CFAP91: variants seen among roughly 807,000 people sequenced by gnomAD.
The protein encoded by CFAP91 is cilia- and flagella-associated protein 91.
Under a neutral mutation model 95.9 loss-of-function variants are expected in CFAP91, and 85 were observed. The ratio of observed to expected loss-of-function variants is 0.89; its 90% CI spans 0.74 to 1.06. The LOEUF is 1.06. CFAP91 is among the 50% of genes least tolerant of loss of function. CFAP91 has a pLI of 0.00. For missense variants in CFAP91, 962 were observed against 943.4 expected (o/e 1.02, Z -0.26); for synonymous variants, 335 against 327.5 (o/e 1.02, Z -0.25).
chr3:119,714,853 T>C (rs2107862645), intron 5 of CFAP91, among the ~76,000 whole-genome samples: 1 of 152,372 alleles, frequency 6.6e-6, no homozygotes, highest in East Asian at 1.9e-4. Context: ...TTATGGTTTC[T>C]GGCTTTTAAG....
chr3:119,724,544 A>G (rs2053745141), intron 6 of CFAP91, among the ~76,000 whole-genome samples: 1 of 152,160 alleles, frequency 6.6e-6, no homozygotes, highest in South Asian at 2.1e-4. Flanking sequence ...ATATACATAT[A>G]TACACATACA....
At chr3:119,707,017 A>G in intron 2 of CFAP91, 132 bp downstream of exon 2, 1 of 706,996 alleles carries the variant, frequency 1.4e-6, no homozygotes, top group Non-Finnish European at 2.5e-6. Flanking sequence ...CCTTGCCAAG[A>G]TTACTGGAGG....
chr3:119,739,369 A>G, intron 12 of CFAP91, 43 bp downstream of exon 12: 1 of 1,584,810 alleles, frequency 6.3e-7, no homozygotes, highest in South Asian at 1.1e-5. Flanking sequence ...TCTTTTGAGA[A>G]TAAATTTTTT....
chr3:119,756,631 A>G (rs2054435740), intron 17 of CFAP91, among the ~76,000 whole-genome samples: 1 of 152,176 alleles, frequency 6.6e-6, no homozygotes, highest in African/African-American at 2.4e-5. Flanking sequence ...AATGGATTAA[A>G]TTTTTCTAAG....
chr3:119,753,600 CA>C (rs1164908207), intron 17 of CFAP91, among the ~76,000 whole-genome samples: 1 of 152,080 alleles, frequency 6.6e-6, no homozygotes, highest in African/African-American at 2.4e-5. Flanking sequence ...GAACAAGTGG[CA>C]AAACAATAGA....
chr3:119,709,993 A>C, intron 5 of CFAP91, 98 bp downstream of exon 5: 1 of 928,972 alleles, frequency 1.1e-6, no homozygotes, highest in Non-Finnish European at 1.7e-6. Flanking sequence ...TATTTTTCAA[A>C]TTGTGGATCA....
chr3:119,723,093 A>T (rs940089026), intron 6 of CFAP91, among the ~76,000 whole-genome samples: 1 of 152,188 alleles, frequency 6.6e-6, no homozygotes, highest in African/African-American at 2.4e-5. Context: ...CAAAAGCAAA[A>T]GCAACAATAC....
At chr3:119,750,860 C>A in intron 16 of CFAP91, 77 bp from the exon 17 acceptor site, 1 of 1,542,282 alleles carries the variant, frequency 6.5e-7, no homozygotes, top group South Asian at 1.1e-5. Flanking sequence ...TTATTTCTAT[C>A]ATGACTCTCT....
intron 9 of CFAP91, among the ~76,000 whole-genome samples, chr3:119,733,053 G>A (rs775110153): frequency 9.9e-5 from 15 of 152,216 alleles, no homozygotes; most frequent in Non-Finnish European, 1.8e-4. Context: ...ACTTTAGAAG[G>A]GTGGCACCAC....
intron 16 of CFAP91, among the ~76,000 whole-genome samples, chr3:119,749,698 A>G (rs2054290133): frequency 6.6e-6 from 1 of 152,128 alleles, no homozygotes; most frequent in Non-Finnish European, 1.5e-5. Flanking sequence ...AAGCCATATG[A>G]ACAGGGAGCA....
intron 5 of CFAP91, chr3:119,713,160 C>T (rs1380515929): frequency 6.7e-6 from 1 of 150,160 alleles, no homozygotes; most frequent in Non-Finnish European, 1.5e-5. Context: ...TGCTCCATCA[C>T]TCAGGCTGGA....
intron 6 of CFAP91, among the ~76,000 whole-genome samples, chr3:119,718,106 G>A (rs956308938): frequency 2.0e-5 from 3 of 152,144 alleles, no homozygotes; most frequent in African/African-American, 7.2e-5. Context: ...AAGCACACAA[G>A]GAACAGAGAC....
intron 10 of CFAP91, among the ~76,000 whole-genome samples, chr3:119,733,933 G>A (rs1178044157): frequency 6.6e-6 from 1 of 152,180 alleles, no homozygotes; most frequent in Non-Finnish European, 1.5e-5. Context: ...AAAGGCTCTA[G>A]TTAAAGCCTT....
At chr3:119,747,740 C>A in intron 15 of CFAP91, 71 bp from the exon 16 acceptor site, 1 of 1,271,228 alleles carries the variant, frequency 7.9e-7, no homozygotes, top group Non-Finnish European at 1.1e-6. Context: ...GCTTACACAG[C>A]AGGAAAGCAT....
chr3:119,762,895 C>T (rs1430936561), intron 17 of CFAP91, among the ~76,000 whole-genome samples: 2 of 151,972 alleles, frequency 1.3e-5, no homozygotes, highest in African/African-American at 2.4e-5. Context: ...GGAAAAGCTC[C>T]TAACATTGGT....
chr3:119,708,003 C>T (rs948581696), intron 3 of CFAP91, among the ~76,000 whole-genome samples: 1 of 151,900 alleles, frequency 6.6e-6, no homozygotes, highest in African/African-American at 2.4e-5. Flanking sequence ...GTCTTTTGGC[C>T]AGGCACAGTG....
At chr3:119,756,505 A>G (rs1338375583) in intron 17 of CFAP91, among the ~76,000 whole-genome samples, 2 of 152,172 alleles carry the variant, frequency 1.3e-5, no homozygotes, top group Non-Finnish European at 2.9e-5. Flanking sequence ...AAATAAATTT[A>G]AGGACAGGTA....
intron 13 of CFAP91, 76 bp downstream of exon 13, chr3:119,740,771 A>G: frequency 6.8e-7 from 1 of 1,476,886 alleles, no homozygotes; most frequent in Non-Finnish European, 9.2e-7. Flanking sequence ...CAGCACCATT[A>G]TAATAAAAAT....
chr3:119,742,681 CT>C (rs1273940999), intron 13 of CFAP91, among the ~76,000 whole-genome samples: 7 of 152,108 alleles, frequency 4.6e-5, no homozygotes, highest in Non-Finnish European at 1.0e-4. Flanking sequence ...TAGCTTTGCC[CT>C]TTTTTTCCAT....
Sources: allele counts gnomAD v4.1 joint callset (sites outside exome capture counted in the v4.1 genomes callset), GRCh38; gene constraint gnomAD v4.1.1; transcripts MANE v1.5; gene names NCBI Gene and HGNC (gene_info 2026-07-23, HGNC 2026-07-21).